LMX1A: variants seen among roughly 807,000 people sequenced by gnomAD.
LMX1A encodes LIM homeobox transcription factor 1 alpha.
In LMX1A, 15 loss-of-function variants were observed where a neutral mutation model predicts 49.1. The observed-to-expected ratio is 0.31, with a 90% confidence interval of 0.20 to 0.47. The LOEUF (loss-of-function observed/expected upper bound fraction) is 0.47. Among genes scored for constraint, LMX1A ranks in the 20% least tolerant of loss-of-function variants. The probability of loss-of-function intolerance (pLI) is 1.00; values close to 1 mark genes in which losing one functional copy is unlikely to be tolerated. For synonymous variants in LMX1A, 167 were observed against 185.7 expected, an observed-to-expected ratio of 0.90 and a Z score of 0.82; for missense variants, 372 against 475.8, an observed-to-expected ratio of 0.78 and a Z score of 2.03.
At chr1:165,204,061 T>C (rs1230697051) in intron 8 of LMX1A, 21 bp from the exon 9 acceptor site, 5 of 1,612,866 alleles carry the variant, frequency 3.1e-6, no homozygotes, top group Non-Finnish European at 4.2e-6. Flanking sequence ...GATGAAACAC[T>C]GGCATGAGGG....
Position 165,355,895 on chromosome 1 carries a change from A to T in LMX1A, c.-22-314T>A. 2.9e-6 allele frequency: 1 copy of T among 343,066 alleles called. No homozygotes were observed. 21.3% of individuals were successfully genotyped at this position (343,066 alleles called of 1,614,324 possible). A position where few individuals can be genotyped will look rare whatever the true frequency, so the allele number is the denominator to read the frequency against. The stretch of plus-strand genomic sequence containing the variant: ...CCCCAGGTTTTCCATCCCGAATCCG[A>T]CTCCGCCCCAACCTATACGAAGGTG... On this transcript the variant is annotated intron_variant, in intron 1 of 8. Transcript: ENST00000342310. The surrounding 1 kb of genome is among the most constrained non-coding windows in gnomAD (Gnocchi z 4.7).
Position 165,355,410 on chromosome 1 carries a change from C to G in LMX1A, c.76+74G>C. The G allele has an allele frequency of 6.8e-7, 1 of 1,464,716 alleles. No homozygotes were observed. The highest frequency in any genetic ancestry group is 9.5e-7 in the Non-Finnish European group (1 of 1,053,376). The allele number at this position is 1,464,716 out of a possible 1,614,324, so 90.7% of individuals were successfully genotyped here. ...AGCTTCCCTATCGCGGACCAGGTCC[C>G]AGAGAGCGGGGCTCCAGAGCTCAGC... On this transcript the variant is annotated intron_variant, in intron 2 of 8. Coordinates refer to ENST00000342310, the MANE Select transcript of LMX1A (RefSeq NM_177398.4). The surrounding 1 kb of genome is among the most constrained non-coding windows in gnomAD (Gnocchi z 4.7).
intron 3 of LMX1A, among the ~76,000 whole-genome samples, chr1:165,339,056 C>T (rs936478771): frequency 1.3e-5 from 2 of 152,214 alleles, no homozygotes; most frequent in Non-Finnish European, 2.9e-5. Flanking sequence ...TAAATGGGAT[C>T]ATCTCAAAGA....
At chr1:165,245,025 G>A (rs753328026) in intron 4 of LMX1A, among the ~76,000 whole-genome samples, 5 of 152,134 alleles carry the variant, frequency 3.3e-5, no homozygotes, top group Non-Finnish European at 5.9e-5. Flanking sequence ...CCATGTAGCT[G>A]TGAACGTGTC....
chr1:165,350,727 C>A (rs1448961287), intron 3 of LMX1A, among the ~76,000 whole-genome samples: 1 of 152,150 alleles, frequency 6.6e-6, no homozygotes, highest in Admixed American at 6.5e-5. Context: ...ATTAATCTAA[C>A]AAGCAACTGA....
At chr1:165,244,841 C>A (rs140281689) in intron 4 of LMX1A, among the ~76,000 whole-genome samples, 1,519 of 108,790 alleles carry the variant, frequency 0.014, 10 homozygotes, top group Non-Finnish European at 0.021. Context: ...AGACCTTGGG[C>A]ATCCAAGTTG....
At chr1:165,206,219 G>A (rs555579673) in intron 7 of LMX1A, among the ~76,000 whole-genome samples, 185 bp from the exon 8 acceptor site, 1 of 152,326 alleles carries the variant, frequency 6.6e-6, no homozygotes, top group African/African-American at 2.4e-5. Context: ...GGGCTGGGAT[G>A]TTGAACTTTG....
intron 4 of LMX1A, among the ~76,000 whole-genome samples, chr1:165,243,540 A>G (rs1557861050): frequency 6.6e-6 from 1 of 152,228 alleles, no homozygotes; most frequent in Non-Finnish European, 1.5e-5. Context: ...AGAAAACAGA[A>G]AGTCTGTAAT....
intron 3 of LMX1A, among the ~76,000 whole-genome samples, chr1:165,274,237 T>A (rs1250506686): frequency 6.6e-6 from 1 of 152,220 alleles, no homozygotes; most frequent in Admixed American, 6.5e-5. Context: ...CCAATACCTC[T>A]ACACACGTAT....
Position 165,203,521 on chromosome 1 carries a change from A to ATCTCGG in LMX1A, c.*358_*359insCCGAGA. 1.1e-5 allele frequency: 2 copies of ATCTCGG among 178,860 alleles called. No homozygotes were observed. The highest frequency in any genetic ancestry group is 2.4e-5 in the Non-Finnish European group (2 of 83,248). The allele number at this position is 178,860 out of a possible 1,614,324, so 11.1% of individuals were successfully genotyped here. On this transcript the variant is annotated 3_prime_UTR_variant, in exon 9 of 9. Transcript: ENST00000342310. ...TGTCCTTCTGTCTATTGGTGTGTAGATGGATAGACATATGCACCTCTTGAC... is the reference window on the plus strand; with the variant it reads ...TGTCCTTCTGTCTATTGGTGTGTAGATCTCGGTGGATAGACATATGCACCTCTTGAC...
intron 4 of LMX1A, among the ~76,000 whole-genome samples, chr1:165,216,531 C>G (rs1412915811): frequency 6.6e-6 from 1 of 152,170 alleles, no homozygotes; most frequent in Non-Finnish European, 1.5e-5. Flanking sequence ...AGAAAAGAGG[C>G]TGAGTCTGCA....
At chr1:165,212,024 G>A (rs1651421418) in intron 5 of LMX1A, among the ~76,000 whole-genome samples, 1 of 152,210 alleles carries the variant, frequency 6.6e-6, no homozygotes, top group South Asian at 2.1e-4. Flanking sequence ...GAGGAAGACT[G>A]TAATTTGTCC....
At chr1:165,262,558 T>C (rs1025997490) in intron 3 of LMX1A, among the ~76,000 whole-genome samples, 8 of 152,352 alleles carry the variant, frequency 5.3e-5, no homozygotes, top group Admixed American at 1.3e-4. Context: ...CTCAAGTCTC[T>C]TCATATTGAC....
At chr1:165,239,896 ACAGT>A (rs1402381030) in intron 4 of LMX1A, among the ~76,000 whole-genome samples, 1 of 152,250 alleles carries the variant, frequency 6.6e-6, no homozygotes, top group Non-Finnish European at 1.5e-5. Flanking sequence ...AGCACCTGGC[ACAGT>A]AAGTATCATT....
intron 3 of LMX1A, among the ~76,000 whole-genome samples, chr1:165,336,210 T>C (rs942690545): frequency 2.1e-4 from 31 of 150,364 alleles, no homozygotes; most frequent in African/African-American, 6.8e-4. Flanking sequence ...GGGTGGGGTT[T>C]GGGGTTAAGG....
chr1:165,217,056 T>C (rs538408589), intron 4 of LMX1A, among the ~76,000 whole-genome samples: 3 of 152,194 alleles, frequency 2.0e-5, no homozygotes, highest in Non-Finnish European at 4.4e-5. Flanking sequence ...ACATGTGTTG[T>C]CAGTTAATTA....
intron 3 of LMX1A, among the ~76,000 whole-genome samples, chr1:165,328,918 G>A (rs1655661270): frequency 6.6e-6 from 1 of 152,210 alleles, no homozygotes; most frequent in African/African-American, 2.4e-5. Flanking sequence ...TGCTCATTGT[G>A]GTATCAATGT....
intron 3 of LMX1A, among the ~76,000 whole-genome samples, chr1:165,333,554 T>G (rs1655812561): frequency 6.6e-6 from 1 of 152,198 alleles, no homozygotes; most frequent in Non-Finnish European, 1.5e-5. Context: ...AGCATCAATC[T>G]CCCACTTTTA....
At chr1:165,334,095 T>C (rs1377085652) in intron 3 of LMX1A, among the ~76,000 whole-genome samples, 1 of 152,128 alleles carries the variant, frequency 6.6e-6, no homozygotes, top group African/African-American at 2.4e-5. Context: ...ATAAATGGAC[T>C]CACATAGACA....
Sources: gnomAD v4.1 joint callset for allele counts (sites outside exome capture counted in the v4.1 genomes callset) on GRCh38, gnomAD v4.1.1 for gene constraint, Gnocchi (gnomAD v3.1) non-coding constraint, MANE v1.5 for transcripts, NCBI Gene and HGNC (gene_info 2026-07-23, HGNC 2026-07-21) for gene names.